Variants in CACNB4 observed in about 807,000 individuals in gnomAD.
The protein encoded by CACNB4 is calcium voltage-gated channel auxiliary subunit beta 4.
CACNB4 carries 32 observed loss-of-function variants against 71.2 expected under a neutral mutation model. That is an observed-to-expected ratio of 0.45 (90% CI 0.34 to 0.60). CACNB4 has a LOEUF of 0.60. Ranked by LOEUF, CACNB4 falls within the 20% of genes least tolerant of loss-of-function variation. The probability of loss-of-function intolerance (pLI) is 0.01; values close to 1 mark genes in which losing one functional copy is unlikely to be tolerated. For synonymous variants in CACNB4, 231 were observed against 236.9 expected, an observed-to-expected ratio of 0.97 and a Z score of 0.23; for missense variants, 464 against 647.9, an observed-to-expected ratio of 0.72 and a Z score of 3.08.
At chr2:152,075,039 T>TA (rs1229377445) in intron 2 of CACNB4, among the ~76,000 whole-genome samples, 1 of 152,162 alleles carries the variant, frequency 6.6e-6, no homozygotes, top group Non-Finnish European at 1.5e-5. Flanking sequence ...CAAATACCGA[T>TA]ACATATTATG....
At chr2:151,869,744 G>T in intron 8 of CACNB4, 1 of 170,574 alleles carries the variant, frequency 5.9e-6, no homozygotes, top group Non-Finnish European at 1.3e-5. Flanking sequence ...CTCTGAGAAA[G>T]ACAAGAGAGA....
At chr2:152,026,006 GC>G (rs1185033381) in intron 2 of CACNB4, among the ~76,000 whole-genome samples, 1 of 152,250 alleles carries the variant, frequency 6.6e-6, no homozygotes, top group Non-Finnish European at 1.5e-5. Context: ...TGCACAGGGC[GC>G]CCCCTGCAGG....
chr2:151,956,850 G>A (rs962806899), intron 2 of CACNB4, among the ~76,000 whole-genome samples: 3 of 152,138 alleles, frequency 2.0e-5, no homozygotes, highest in African/African-American at 7.2e-5. Flanking sequence ...TAAGAATACA[G>A]ACCTTTTAAT....
intron 13 of CACNB4, 128 bp from the exon 14 acceptor site, chr2:151,839,507 T>C (rs898750345): frequency 2.8e-6 from 2 of 707,232 alleles, no homozygotes; most frequent in East Asian, 2.5e-5. Flanking sequence ...GGCATCCTGA[T>C]GCACCAATGA....
chr2:152,088,162 CACACACAT>C (rs936461939), intron 2 of CACNB4, among the ~76,000 whole-genome samples: 26 of 150,802 alleles, frequency 1.7e-4, no homozygotes, highest in South Asian at 4.3e-4. Context: ...CACACACACA[CACACACAT>C]ACACACACAC....
intron 12 of CACNB4, among the ~76,000 whole-genome samples, chr2:151,844,782 C>T (rs1174216155): frequency 6.6e-6 from 1 of 152,228 alleles, no homozygotes; most frequent in Non-Finnish European, 1.5e-5. Context: ...AACAAAGGAC[C>T]AGTCTTTCCG....
At position 151,838,990 on chromosome 2, in the gene CACNB4, A is replaced by C; in HGVS notation, c.*129T>G. The C allele has an allele frequency of 1.3e-6, 1 of 741,794 alleles. No individual in the cohort carries two copies. Among genetic ancestry groups the C allele is most frequent in the Non-Finnish European group, 2.1e-6 (1 of 471,330 alleles). The allele number at this position is 741,794 out of a possible 1,614,324, so 46.0% of individuals were successfully genotyped here. ...TAATTTTTTTTTTTGCCCCTTACTT[A>C]GCATAAAATGACAGCAGCCCATTAG... On this transcript the variant is annotated 3_prime_UTR_variant, in exon 14 of 14. Coordinates refer to ENST00000539935, the MANE Select transcript of CACNB4 (RefSeq NM_000726.5).
chr2:152,037,428 C>T (rs962314901), intron 2 of CACNB4, among the ~76,000 whole-genome samples: 1 of 152,204 alleles, frequency 6.6e-6, no homozygotes, highest in Non-Finnish European at 1.5e-5. Flanking sequence ...AGAAATATGT[C>T]TGTGGACATT....
At chr2:151,863,790 G>A (rs946619605) in intron 9 of CACNB4, among the ~76,000 whole-genome samples, 18 of 152,030 alleles carry the variant, frequency 1.2e-4, no homozygotes, top group African/African-American at 4.1e-4. Context: ...ACAATAAAGG[G>A]CACGTTTTCT....
intron 2 of CACNB4, among the ~76,000 whole-genome samples, chr2:151,924,147 C>T (rs937716416): frequency 3.2e-4 from 42 of 129,856 alleles, no homozygotes; most frequent in African/African-American, 1.1e-3. Flanking sequence ...GGCGCAATCT[C>T]GGCTCACTGC....
intron 2 of CACNB4, among the ~76,000 whole-genome samples, chr2:151,980,369 G>A (rs2151748249): frequency 6.6e-6 from 1 of 152,170 alleles, no homozygotes; most frequent in East Asian, 1.9e-4. Context: ...TGGCCTTCTT[G>A]GACACATCAC....
At chr2:151,886,515 G>C (rs1188290385) in intron 2 of CACNB4, among the ~76,000 whole-genome samples, 2 of 152,182 alleles carry the variant, frequency 1.3e-5, no homozygotes, top group African/African-American at 4.8e-5. Flanking sequence ...GTTGAAATGT[G>C]AATGACACTG....
intron 2 of CACNB4, among the ~76,000 whole-genome samples, chr2:152,053,886 T>C (rs1685581649): frequency 6.6e-6 from 1 of 152,066 alleles, no homozygotes; most frequent in South Asian, 2.1e-4. Flanking sequence ...GTTAGAAGTA[T>C]AGGTAACAAT....
chr2:151,919,387 G>A (rs1238648147), intron 2 of CACNB4, among the ~76,000 whole-genome samples: 1 of 152,112 alleles, frequency 6.6e-6, no homozygotes, highest in Non-Finnish European at 1.5e-5. Context: ...GTTAGCCACC[G>A]CGCCCAGCCT....
Position 151,880,844 on chromosome 2 carries a change from T to C in CACNB4, c.346A>G (p.Thr116Ala). 1 of 1,613,732 alleles carries C rather than the reference T, an allele frequency of 6.2e-7. No homozygotes were observed. Among genetic ancestry groups the C allele is most frequent in the Non-Finnish European group, 8.5e-7 (1 of 1,179,750 alleles). Residue 116 changes from threonine (T) to alanine (A), a missense_variant, in exon 4 of 14, where the codon ACA (threonine) becomes GCA (alanine). Physicochemically the swap from Thr to Ala is moderately conservative, Grantham distance 58 (BLOSUM62 0). This residue lies in a region of CACNB4 where 299 missense variants were observed against 471.7 expected (regional missense o/e 0.63). Coordinates refer to ENST00000539935, the MANE Select transcript of CACNB4 (RefSeq NM_000726.5). ...ALDEDVPVPS[T>A]AISFDAKDFL... is the part of the protein sequence containing the mutation. ...TCTTTAGCATCAAAGGAGATAGCTG[T>C]GCTTGGAACAGGCACATCCTCGTCC...
At chr2:152,016,687 C>T (rs1168555665) in intron 2 of CACNB4, among the ~76,000 whole-genome samples, 2 of 152,250 alleles carry the variant, frequency 1.3e-5, no homozygotes, top group East Asian at 3.8e-4. Flanking sequence ...CCGTTCCAGG[C>T]ATGCATGTCT....
chr2:152,038,276 C>T (rs1255648825), intron 2 of CACNB4, among the ~76,000 whole-genome samples: 1 of 152,176 alleles, frequency 6.6e-6, no homozygotes, highest in Non-Finnish European at 1.5e-5. Context: ...ACTCTCACAC[C>T]AGAGTGTGCA....
intron 2 of CACNB4, chr2:151,973,949 A>G (rs887435564): frequency 5.5e-6 from 7 of 1,272,384 alleles, no homozygotes; most frequent in Non-Finnish European, 6.9e-6. Flanking sequence ...ACAAAAAGCA[A>G]AACCCTTCCT....
At chr2:151,909,382 G>A (rs1350123467) in intron 2 of CACNB4, among the ~76,000 whole-genome samples, 1 of 149,832 alleles carries the variant, frequency 6.7e-6, no homozygotes, top group Admixed American at 6.7e-5. Context: ...GTTGCAGTGA[G>A]CCGAGATCAT....
Sources: gnomAD v4.1 joint callset for allele counts (sites outside exome capture counted in the v4.1 genomes callset) on GRCh38, gnomAD v4.1.1 for gene constraint, gnomAD v4.1.1 regional missense constraint, MANE v1.5 for transcripts, NCBI Gene and HGNC (gene_info 2026-07-23, HGNC 2026-07-21) for gene names.